Variants in RMST observed in about 807,000 individuals in gnomAD.
The protein encoded by RMST is rhabdomyosarcoma 2 associated transcript.
At chr12:97,488,092 G>A (rs567104129) in intron 5 of RMST, among the ~76,000 whole-genome samples, 1 of 152,260 alleles carries the variant, frequency 6.6e-6, no homozygotes, top group East Asian at 1.9e-4. Flanking sequence ...ATTTCAGGAT[G>A]AAGGTTTTCT....
chr12:97,466,791 T>C (rs1056426699), intron 5 of RMST, among the ~76,000 whole-genome samples: 6 of 152,146 alleles, frequency 3.9e-5, no homozygotes, highest in Non-Finnish European at 7.4e-5. Flanking sequence ...TTGTTTCTTG[T>C]ATAGAAATCA....
At chr12:97,498,789 A>C (rs150454516) in intron 10 of RMST, among the ~76,000 whole-genome samples, 3 of 152,164 alleles carry the variant, frequency 2.0e-5, no homozygotes, top group Admixed American at 6.5e-5. Flanking sequence ...CCTCCTTTCA[A>C]TAAGGACCTG....
chr12:97,563,375 C>A, intron 13 of RMST: 1 of 199,934 alleles, frequency 5.0e-6, no homozygotes, highest in South Asian at 8.7e-5. Flanking sequence ...CCCACCTGAC[C>A]CAAAATGAAA....
At chr12:97,507,468 G>A (rs1171782473) in intron 10 of RMST, among the ~76,000 whole-genome samples, 4 of 152,210 alleles carry the variant, frequency 2.6e-5, no homozygotes, top group Non-Finnish European at 4.4e-5. Context: ...ACATTTTTGA[G>A]TTAGTATCTG....
intron 11 of RMST, among the ~76,000 whole-genome samples, chr12:97,552,634 G>C (rs996469859): frequency 1.3e-5 from 2 of 152,176 alleles, no homozygotes; most frequent in African/African-American, 4.8e-5. Context: ...AGTTTGTTTT[G>C]TGTACCAGCC....
chr12:97,502,889 A>G (rs1207593902), intron 10 of RMST, among the ~76,000 whole-genome samples: 1 of 152,220 alleles, frequency 6.6e-6, no homozygotes, highest in Non-Finnish European at 1.5e-5. Flanking sequence ...AAACACTTAT[A>G]TTGATATTCT....
At chr12:97,562,499 G>C (rs760741917) in intron 13 of RMST, among the ~76,000 whole-genome samples, 1 of 152,126 alleles carries the variant, frequency 6.6e-6, no homozygotes, top group East Asian at 1.9e-4. Context: ...TGAGCCAGCT[G>C]GGGGAGGAGG....
At chr12:97,542,413 T>C (rs768361891) in intron 11 of RMST, among the ~76,000 whole-genome samples, 5 of 151,864 alleles carry the variant, frequency 3.3e-5, no homozygotes, top group Non-Finnish European at 2.9e-5. Context: ...GCCTGGACTC[T>C]ACAGGTGCTG....
chr12:97,564,717 T>C (rs1884406082), exon 14 of RMST: 1 of 152,200 alleles, frequency 6.6e-6, no homozygotes, highest in African/African-American at 2.4e-5. Flanking sequence ...CTCTCCCTCC[T>C]CTGCCCTCTC....
chr12:97,476,541 C>T (rs1874571190), intron 5 of RMST, among the ~76,000 whole-genome samples: 1 of 152,208 alleles, frequency 6.6e-6, no homozygotes, highest in African/African-American at 2.4e-5. Flanking sequence ...ATTAGCTCCA[C>T]AGGACAGAGA....
chr12:97,507,264 TTTTG>T (rs2136499414), intron 10 of RMST, among the ~76,000 whole-genome samples: 1 of 143,506 alleles, frequency 7.0e-6, no homozygotes, highest in South Asian at 2.1e-4. Context: ...ATTGTTTTTT[TTTTG>T]TTTTTGTCTT....
chr12:97,515,188 T>C (rs926951898), intron 10 of RMST, among the ~76,000 whole-genome samples: 17 of 152,162 alleles, frequency 1.1e-4, no homozygotes, highest in African/African-American at 4.1e-4. Context: ...AAAATTTCAC[T>C]AGTTTCCTTT....
intron 10 of RMST, among the ~76,000 whole-genome samples, chr12:97,516,116 T>C (rs1879905662): frequency 6.6e-6 from 1 of 152,090 alleles, no homozygotes; most frequent in Non-Finnish European, 1.5e-5. Context: ...TAGAGATGTA[T>C]GATACAGAAA....
chr12:97,466,015 A>G (rs1873140478), intron 5 of RMST, among the ~76,000 whole-genome samples: 1 of 152,154 alleles, frequency 6.6e-6, no homozygotes, highest in Admixed American at 6.6e-5. Context: ...GAGATCAATA[A>G]AAGTAATATT....
chr12:97,491,165 A>T (rs1451336801), intron 5 of RMST, among the ~76,000 whole-genome samples: 1 of 152,210 alleles, frequency 6.6e-6, no homozygotes, highest in Non-Finnish European at 1.5e-5. Flanking sequence ...CACAGGGGTA[A>T]GACAGGTTTT....
intron 5 of RMST, chr12:97,491,892 G>A (rs763890410): frequency 2.5e-5 from 13 of 527,214 alleles, no homozygotes; most frequent in South Asian, 4.2e-5. Flanking sequence ...CCACCCGAGC[G>A]TCCATGGGTC....
At chr12:97,491,171 G>C (rs796266674) in intron 5 of RMST, among the ~76,000 whole-genome samples, 15 of 152,284 alleles carry the variant, frequency 9.9e-5, no homozygotes, top group African/African-American at 3.6e-4. Context: ...GGTAAGACAG[G>C]TTTTATTCCT....
At chr12:97,493,866 A>G (rs1456655936) in intron 7 of RMST, 1 of 152,220 alleles carries the variant, frequency 6.6e-6, no homozygotes, top group Non-Finnish European at 1.5e-5. Flanking sequence ...GTTTGACTGC[A>G]TTACTTAGCA....
chr12:97,555,809 T>C (rs1342698331), intron 11 of RMST, among the ~76,000 whole-genome samples: 1 of 152,226 alleles, frequency 6.6e-6, no homozygotes, highest in Non-Finnish European at 1.5e-5. Flanking sequence ...TTTTCTGACC[T>C]TTTCAAATTG....
Sources: allele counts gnomAD v4.1 joint callset (sites outside exome capture counted in the v4.1 genomes callset), GRCh38; gene constraint gnomAD v4.1.1; transcripts MANE v1.5; gene names NCBI Gene and HGNC (gene_info 2026-07-23, HGNC 2026-07-21).